The following GUCY2C variants were observed in gnomAD, a reference collection of about 807,000 sequenced individuals.
GUCY2C encodes guanylate cyclase 2C.
A neutral mutation model predicts 131.1 loss-of-function variants in GUCY2C; 118 were observed. The ratio of observed to expected loss-of-function variants is 0.90; its 90% confidence interval spans 0.78 to 1.05. GUCY2C has a LOEUF of 1.05. GUCY2C is among the 50% of genes least tolerant of loss of function. GUCY2C has a pLI of 0.00. For synonymous variants in GUCY2C, 452 were observed against 457.8 expected, an observed-to-expected ratio of 0.99 and a Z score of 0.16; for missense variants, 1,161 against 1,304.4, an observed-to-expected ratio of 0.89 and a Z score of 1.69.
chr12:14,684,359 TCTC>T (rs1397322688), intron 3 of GUCY2C, among the ~76,000 whole-genome samples: 3 of 151,714 alleles, frequency 2.0e-5, no homozygotes, highest in Non-Finnish European at 4.4e-5. Context: ...AGAAAGCTCA[TCTC>T]CTCATCTCTC....
intron 21 of GUCY2C, among the ~76,000 whole-genome samples, chr12:14,624,516 C>T (rs1946964873): frequency 2.6e-5 from 4 of 151,808 alleles, no homozygotes; most frequent in African/African-American, 7.3e-5. Flanking sequence ...GTATTTACCC[C>T]AAGGGGTACT....
intron 24 of GUCY2C, among the ~76,000 whole-genome samples, chr12:14,618,172 T>G (rs11056065): frequency 1.3e-5 from 2 of 152,344 alleles, no homozygotes; most frequent in East Asian, 3.9e-4. Flanking sequence ...TGCAATATAT[T>G]CCTTCGTATA....
chr12:14,629,127 C>A (rs570378288), intron 19 of GUCY2C, among the ~76,000 whole-genome samples: 2 of 152,114 alleles, frequency 1.3e-5, no homozygotes, highest in African/African-American at 2.4e-5. Flanking sequence ...AAAGCCAGTG[C>A]CCTTATACAA....
chr12:14,661,321 C>G (rs948457295), intron 10 of GUCY2C, among the ~76,000 whole-genome samples: 1 of 152,064 alleles, frequency 6.6e-6, no homozygotes. Context: ...ATAAGAATCA[C>G]CAAATGTTAC....
intron 11 of GUCY2C, among the ~76,000 whole-genome samples, chr12:14,658,656 A>T (rs994774391): frequency 2.6e-5 from 4 of 152,218 alleles, no homozygotes; most frequent in Non-Finnish European, 5.9e-5. Flanking sequence ...AGCCTGAGTG[A>T]CAGAGTGAGA....
intron 8 of GUCY2C, among the ~76,000 whole-genome samples, chr12:14,673,802 AG>A: frequency 6.6e-6 from 1 of 152,326 alleles, no homozygotes; most frequent in East Asian, 1.9e-4. Context: ...AGTGCCTGGT[AG>A]AACTTGGGAC....
At chr12:14,688,678 C>T (rs79316793) in intron 1 of GUCY2C, among the ~76,000 whole-genome samples, 2,266 of 152,296 alleles carry the variant, frequency 0.015, 51 homozygotes, top group African/African-American at 0.052. Flanking sequence ...AAAAGTTCCC[C>T]CTTTCAATAG....
Position 14,612,778 on chromosome 12 carries a change from A to T in GUCY2C, c.*339T>A, listed in dbSNP as rs186932005. 5.2e-6 allele frequency: 1 copy of T among 193,502 alleles called. No individual in the cohort carries two copies. The highest frequency in any genetic ancestry group is 1.3e-4 in the East Asian group (1 of 7,872). 12.0% of individuals were successfully genotyped at this position (193,502 alleles called of 1,614,324 possible). A position where few individuals can be genotyped will look rare whatever the true frequency, so the allele number is the denominator to read the frequency against. ...ATCTTATGAATACAGAAGGAAAGCCAGTAAACAAAAACGATAAAAATAAAC... is the reference window on the plus strand; with the variant it reads ...ATCTTATGAATACAGAAGGAAAGCCTGTAAACAAAAACGATAAAAATAAAC... On this transcript the variant is annotated 3_prime_UTR_variant, in exon 27 of 27. Coordinates refer to ENST00000261170, the MANE Select transcript of GUCY2C (RefSeq NM_004963.4).
Position 14,653,077 on chromosome 12 carries a change from A to G in GUCY2C, c.1471-63T>C, listed in dbSNP as rs546877728. The G allele has an allele frequency of 4.0e-5, 48 of 1,185,456 alleles. No homozygotes were observed. The African/African-American group carries it at 6.1e-4, about 15-fold the overall frequency. 73.4% of individuals were successfully genotyped at this position (1,185,456 alleles called of 1,614,324 possible). A position where few individuals can be genotyped will look rare whatever the true frequency, so the allele number is the denominator to read the frequency against. ...TATCTCATCCTACTCACTGCCTGTC[A>G]AAGGCTGAGAGGCTCTTCCAGGTGG... On this transcript the variant is annotated intron_variant, in intron 12 of 26. Transcript: ENST00000261170.
At chr12:14,626,031 A>C in intron 20 of GUCY2C, 116 bp from the exon 21 acceptor site, 2 of 684,640 alleles carry the variant, frequency 2.9e-6, no homozygotes, top group East Asian at 5.5e-5. Context: ...ATAAAAGCCA[A>C]CAAACATAAC....
At chr12:14,649,966 A>G (rs931771846) in intron 15 of GUCY2C, among the ~76,000 whole-genome samples, 3 of 152,184 alleles carry the variant, frequency 2.0e-5, no homozygotes, top group Non-Finnish European at 4.4e-5. Flanking sequence ...TTTAAAGATT[A>G]CAATTTAATA....
chr12:14,629,242 A>G (rs1947092536), intron 19 of GUCY2C, among the ~76,000 whole-genome samples: 1 of 152,262 alleles, frequency 6.6e-6, no homozygotes, highest in Middle Eastern at 3.4e-3. Flanking sequence ...GGACCCATTT[A>G]GGATTAAACA....
intron 20 of GUCY2C, among the ~76,000 whole-genome samples, chr12:14,627,943 C>T (rs1474085096): frequency 6.6e-6 from 1 of 152,134 alleles, no homozygotes; most frequent in African/African-American, 2.4e-5. Flanking sequence ...ATGAGAACTA[C>T]AGAAAGACCT....
At chr12:14,665,847 A>G (rs2137061113) in intron 10 of GUCY2C, 1 of 152,340 alleles carries the variant, frequency 6.6e-6, no homozygotes, top group East Asian at 1.9e-4. Flanking sequence ...GTATTTCTAT[A>G]CTATTTCAAA....
chr12:14,615,019 T>C (rs1261815302), intron 25 of GUCY2C, 76 bp from the exon 26 acceptor site: 2 of 692,092 alleles, frequency 2.9e-6, no homozygotes, highest in East Asian at 3.1e-5. Context: ...TCCATAATGA[T>C]CTGTTTCTGT....
At position 14,674,008 on chromosome 12, in the gene GUCY2C, G is replaced by C. The variant is rs1422769335; in HGVS notation, c.1084+617C>G. Among the ~76,000 whole-genome samples, 7 of 152,188 alleles carry C rather than the reference G, an allele frequency of 4.6e-5. No individual in the cohort carries two copies. In the East Asian group the frequency reaches 1.3e-3, roughly 29 times the overall value. On this transcript the variant is annotated intron_variant, in intron 8 of 26. Transcript: ENST00000261170. ...GTAAAACAAAGGTTTCATAGAGTAA[G>C]ACTCTGAGGCAAGTTAGAAAAGGCC...
chr12:14,626,541 G>A (rs1310502229), intron 20 of GUCY2C, among the ~76,000 whole-genome samples: 1 of 152,126 alleles, frequency 6.6e-6, no homozygotes, highest in African/African-American at 2.4e-5. Flanking sequence ...TTATCCTAAG[G>A]AAACAATCAT....
At chr12:14,660,112 A>T (rs186106197) in intron 11 of GUCY2C, among the ~76,000 whole-genome samples, 189 of 152,356 alleles carry the variant, frequency 1.2e-3, no homozygotes, top group Non-Finnish European at 1.5e-3. Flanking sequence ...TGGAGAAAAC[A>T]TCAACCAGTA....
At chr12:14,630,275 T>C (rs889263195) in intron 19 of GUCY2C, among the ~76,000 whole-genome samples, 5 of 151,870 alleles carry the variant, frequency 3.3e-5, no homozygotes, top group Non-Finnish European at 5.9e-5. Context: ...GTGGTGCCAA[T>C]ATTCACCACT....
Sources: gnomAD v4.1 joint callset for allele counts (sites outside exome capture counted in the v4.1 genomes callset) on GRCh38, gnomAD v4.1.1 for gene constraint, MANE v1.5 for transcripts, NCBI Gene and HGNC (gene_info 2026-07-23, HGNC 2026-07-21) for gene names.